The following NAV2 variants were observed in gnomAD, a reference collection of about 807,000 sequenced individuals.
NAV2 encodes neuron navigator 2.
NAV2 carries 54 observed loss-of-function variants against 223.2 expected under a neutral mutation model. The observed-to-expected ratio is 0.24, with a 90% CI of 0.19 to 0.30. NAV2 has a LOEUF of 0.30. Ranked by LOEUF, NAV2 falls within the 10% of genes least tolerant of loss-of-function variation. The pLI is 1.00. For missense variants in NAV2, 2,806 were observed against 3,147.5 expected (o/e 0.89, Z 2.60); for synonymous variants, 1,279 against 1,239.3 (o/e 1.03, Z -0.67).
chr11:19,617,284 G>A (rs1264411597), intron 1 of NAV2, among the ~76,000 whole-genome samples: 1 of 152,174 alleles, frequency 6.6e-6, no homozygotes, highest in Non-Finnish European at 1.5e-5. Context: ...CCCTAGTTAG[G>A]TGGGTGTTAG....
At chr11:19,988,620 A>AAGGATTC (rs1204027368) in intron 11 of NAV2, among the ~76,000 whole-genome samples, 1 of 152,118 alleles carries the variant, frequency 6.6e-6, no homozygotes, top group Admixed American at 6.5e-5. Context: ...TGTTTCAGTG[A>AAGGATTC]AGGATTCAGA....
chr11:19,663,159 G>A (rs926643749), intron 1 of NAV2, among the ~76,000 whole-genome samples: 2 of 152,200 alleles, frequency 1.3e-5, no homozygotes, highest in African/African-American at 2.4e-5. Flanking sequence ...GTGTGTATGT[G>A]TGTAGAGTGT....
At chr11:20,117,507 G>A (rs2063213792) in intron 37 of NAV2, among the ~76,000 whole-genome samples, 1 of 152,292 alleles carries the variant, frequency 6.6e-6, no homozygotes, top group Non-Finnish European at 1.5e-5. Flanking sequence ...TGAATCATAA[G>A]CGAAGGCTCT....
rs116999887 is a variant in NAV2, at chr11:19,463,462, A to G, written c.75+112435A>G. ...ATGTGCAACTTTAGCCTCCTTCTCCATACAGCCATTCAGACAGCACTGCCA... is the reference window on the plus strand; with the variant it reads ...ATGTGCAACTTTAGCCTCCTTCTCCGTACAGCCATTCAGACAGCACTGCCA... On this transcript the variant is annotated intron_variant, in intron 1 of 37. Coordinates refer to the NAV2 transcript ENST00000360655. Among the ~76,000 whole-genome samples, 1,109 of 152,374 alleles carry G rather than the reference A, an allele frequency of 7.3e-3. 8 individuals are homozygous for G. The highest frequency in any genetic ancestry group is 0.011 in the Non-Finnish European group (773 of 68,036).
rs537248671 is a variant in NAV2 at position 19,987,622 on chromosome 11, A to G, written c.2768+3375A>G. 2.8e-3 allele frequency among the ~76,000 whole-genome samples: 422 copies of G among 152,332 alleles called. 1 individual carries two copies. The highest frequency in any genetic ancestry group is 9.6e-3 in the African/African-American group (398 of 41,580). ...GGCTGGGGTATCTTCAGGGTTATTA[A>G]AAGTAACTGATAAGAATGGATGCCT... On this transcript the variant is annotated intron_variant, in intron 11 of 37. Coordinates refer to ENST00000349880, the MANE Select transcript of NAV2 (RefSeq NM_145117.5).
At chr11:19,873,978 G>A (rs72909145) in intron 4 of NAV2, among the ~76,000 whole-genome samples, 2 of 152,274 alleles carry the variant, frequency 1.3e-5, no homozygotes, top group African/African-American at 2.4e-5. Flanking sequence ...CACAACCATG[G>A]CTCAAAGGAA....
chr11:19,855,559 A>G (rs944933904), intron 3 of NAV2, among the ~76,000 whole-genome samples: 13 of 152,222 alleles, frequency 8.5e-5, no homozygotes, highest in African/African-American at 3.1e-4. Context: ...ATGTGAGGGC[A>G]GAACCTGTCC....
In NAV2 at chr11:19,996,264, G is replaced by A. The variant is rs183339124; in HGVS notation, c.2768+12017G>A. Among the ~76,000 whole-genome samples the A allele has an allele frequency of 1.1e-3, 169 of 152,280 alleles. 1 individual carries two copies. The highest frequency in any genetic ancestry group is 1.5e-4 in the Non-Finnish European group (10 of 68,020). On this transcript the variant is annotated intron_variant, in intron 11 of 37. Coordinates refer to ENST00000349880, the MANE Select transcript of NAV2 (RefSeq NM_145117.5). Reference sequence around the variant, plus strand: ...GAGTCAGTTGTTATCCTTCCAAAAAGCAAACCTTGTTTAGACCTATATGAG... The same window carrying A: ...GAGTCAGTTGTTATCCTTCCAAAAAACAAACCTTGTTTAGACCTATATGAG...
At chr11:19,736,254 T>A (rs1203287597) in intron 1 of NAV2, among the ~76,000 whole-genome samples, 1 of 152,224 alleles carries the variant, frequency 6.6e-6, no homozygotes, top group Admixed American at 6.5e-5. Context: ...AGGCTGAGAT[T>A]ATGTTAATTT....
chr11:19,520,867 C>A (rs2043630118), intron 1 of NAV2, among the ~76,000 whole-genome samples: 1 of 152,106 alleles, frequency 6.6e-6, no homozygotes, highest in South Asian at 2.1e-4. Context: ...AGAGCAGAGG[C>A]CACTGCTGGC....
chr11:19,379,582 C>T (rs1848763738), intron 1 of NAV2, among the ~76,000 whole-genome samples: 1 of 152,132 alleles, frequency 6.6e-6, no homozygotes, highest in Non-Finnish European at 1.5e-5. Context: ...GTGACAGCCT[C>T]CTTAGATTAC....
chr11:19,548,589 C>G (rs1195784661), intron 1 of NAV2, among the ~76,000 whole-genome samples: 1 of 152,032 alleles, frequency 6.6e-6, no homozygotes, highest in Non-Finnish European at 1.5e-5. Flanking sequence ...ACACTCTTGG[C>G]CAGCAGCGGT....
At chr11:20,066,924 G>T (rs1468501262) in intron 20 of NAV2, among the ~76,000 whole-genome samples, 1 of 152,118 alleles carries the variant, frequency 6.6e-6, no homozygotes, top group African/African-American at 2.4e-5. Context: ...GAAGGAGGAG[G>T]GTTCCTCTTT....
At chr11:19,413,468 T>C (rs1850231048) in intron 1 of NAV2, among the ~76,000 whole-genome samples, 2 of 152,262 alleles carry the variant, frequency 1.3e-5, no homozygotes, top group South Asian at 4.2e-4. Context: ...CTGAAAGTGA[T>C]GGGGAGAATG....
chr11:19,373,357 G>T (rs945902709), intron 1 of NAV2, among the ~76,000 whole-genome samples: 3 of 152,158 alleles, frequency 2.0e-5, no homozygotes, highest in African/African-American at 7.2e-5. Context: ...TCTGGCCTCT[G>T]CCTGCCTCTC....
intron 2 of NAV2, among the ~76,000 whole-genome samples, chr11:19,835,624 C>T (rs1402351280): frequency 6.6e-6 from 1 of 151,798 alleles, no homozygotes; most frequent in Admixed American, 6.6e-5. Context: ...GCCATACATG[C>T]CCATTAAAAG....
At chr11:19,567,964 TTCA>T (rs2045320183) in intron 1 of NAV2, among the ~76,000 whole-genome samples, 1 of 152,204 alleles carries the variant, frequency 6.6e-6, no homozygotes, top group East Asian at 1.9e-4. Context: ...ATAGTGTAAC[TTCA>T]TATTTCATAT....
chr11:19,628,615 G>A (rs1009791911), intron 1 of NAV2, among the ~76,000 whole-genome samples: 11 of 152,102 alleles, frequency 7.2e-5, no homozygotes, highest in African/African-American at 1.2e-4. Flanking sequence ...CCTGAAGTCC[G>A]GATTCCTACA....
At position 19,600,692 on chromosome 11, in the gene NAV2, T is replaced by C. The variant is rs542803492; in HGVS notation, c.76-231792T>C. Among the ~76,000 whole-genome samples the C allele has an allele frequency of 6.6e-5, 10 of 152,286 alleles. No individual in the cohort carries two copies. In the South Asian group the frequency reaches 2.1e-3, roughly 32 times the overall value. The stretch of plus-strand genomic sequence containing the variant: ...TATAGCTGCGAAATGGGGATAACAA[T>C]AGTAACTACTTTGTAGTATTGTTTT... On this transcript the variant is annotated intron_variant, in intron 1 of 37. Transcript: ENST00000360655.
Sources: allele counts gnomAD v4.1 joint callset (sites outside exome capture counted in the v4.1 genomes callset), GRCh38; gene constraint gnomAD v4.1.1; transcripts MANE v1.5; gene names NCBI Gene and HGNC (gene_info 2026-07-23, HGNC 2026-07-21).